STX8: variants seen among roughly 807,000 people sequenced by gnomAD.
STX8 encodes syntaxin 8, also known as syntaxin-8.
STX8 carries 23 observed loss-of-function variants against 37.5 expected under a neutral mutation model. That is an observed-to-expected ratio of 0.61 (90% CI 0.44 to 0.87). The LOEUF (loss-of-function observed/expected upper bound fraction) is 0.87. Ranked by LOEUF, STX8 falls within the 40% of genes least tolerant of loss-of-function variation. The pLI, the probability that STX8 is intolerant of heterozygous loss-of-function variation, is 0.00. For synonymous variants in STX8, 115 were observed against 99.1 expected, an observed-to-expected ratio of 1.16 and a Z score of -0.95; for missense variants, 313 against 284.7, an observed-to-expected ratio of 1.10 and a Z score of -0.71.
chr17:9,420,123 A>G (rs780538567), intron 6 of STX8, among the ~76,000 whole-genome samples: 15 of 152,226 alleles, frequency 9.9e-5, no homozygotes, highest in Non-Finnish European at 1.8e-4. Flanking sequence ...TTAGAAAAGC[A>G]TGAGCTCAAT....
At chr17:9,563,464 G>A (rs1050490333) in intron 2 of STX8, among the ~76,000 whole-genome samples, 3 of 152,090 alleles carry the variant, frequency 2.0e-5, no homozygotes, top group Non-Finnish European at 4.4e-5. Context: ...GATTACAGGC[G>A]TGAGTCACCG....
Position 9,315,066 on chromosome 17 carries a change from C to T in STX8, c.643+63486G>A, listed in dbSNP as rs576969984. Among the ~76,000 whole-genome samples, 9 of 145,718 alleles carry T rather than the reference C, an allele frequency of 6.2e-5. No individual in the cohort carries two copies. The South Asian group carries it at 1.8e-3, about 29-fold the overall frequency. On this transcript the variant is annotated intron_variant, in intron 7 of 7. Transcript: ENST00000306357. ...GCAGTCAGCCGAGATCGTGCCACTG[C>T]ACTCCAGCCTGGCGACAACGTGAGA... is the stretch of plus-strand genomic sequence containing the variant.
chr17:9,267,691 T>C (rs987648736), intron 7 of STX8, among the ~76,000 whole-genome samples: 1 of 152,196 alleles, frequency 6.6e-6, no homozygotes, highest in East Asian at 1.9e-4. Flanking sequence ...CCTATATGTA[T>C]AAAAATGCTT....
At chr17:9,442,021 T>C (rs1184345074) in intron 6 of STX8, among the ~76,000 whole-genome samples, 1 of 152,134 alleles carries the variant, frequency 6.6e-6, no homozygotes, top group Non-Finnish European at 1.5e-5. Context: ...TTCCAGTTTA[T>C]AGGTCTCCCC....
intron 7 of STX8, among the ~76,000 whole-genome samples, chr17:9,348,291 G>A (rs137892574): frequency 6.6e-6 from 1 of 151,774 alleles, no homozygotes; most frequent in African/African-American, 2.4e-5. Context: ...TGGTGCGGAC[G>A]CCTGTAATCC....
At chr17:9,554,652 C>T (rs1906896858) in intron 3 of STX8, 1 of 152,364 alleles carries the variant, frequency 6.6e-6, no homozygotes, top group Non-Finnish European at 1.5e-5. Context: ...CGCCTGTAAT[C>T]CCAGCACTTT....
intron 6 of STX8, chr17:9,452,383 C>G (rs978653247): frequency 6.6e-6 from 1 of 151,028 alleles, no homozygotes; most frequent in South Asian, 2.1e-4. Context: ...AAAAAAAAAT[C>G]TTTGCTCAAC....
chr17:9,415,677 G>A (rs1444357927), intron 6 of STX8, among the ~76,000 whole-genome samples: 2 of 152,204 alleles, frequency 1.3e-5, no homozygotes, highest in Non-Finnish European at 2.9e-5. Context: ...GCTGAGGCAA[G>A]AGAATGGCGT....
intron 4 of STX8, among the ~76,000 whole-genome samples, chr17:9,520,968 G>T (rs1905318681): frequency 6.6e-6 from 1 of 152,192 alleles, no homozygotes; most frequent in Admixed American, 6.5e-5. Context: ...GGGTGTGAGT[G>T]AGCTGAGTCT....
intron 7 of STX8, among the ~76,000 whole-genome samples, chr17:9,333,558 T>C (rs942079229): frequency 6.6e-6 from 1 of 151,666 alleles, no homozygotes; most frequent in Non-Finnish European, 1.5e-5. Flanking sequence ...CAGCTAATAT[T>C]TTGTATTTTT....
At chr17:9,562,220 G>A (rs1004657603) in intron 2 of STX8, among the ~76,000 whole-genome samples, 1 of 151,782 alleles carries the variant, frequency 6.6e-6, no homozygotes, top group Non-Finnish European at 1.5e-5. Flanking sequence ...TGGCTAATAC[G>A]GTGAAACCCC....
At chr17:9,306,751 C>T (rs914540361) in intron 7 of STX8, among the ~76,000 whole-genome samples, 4 of 151,432 alleles carry the variant, frequency 2.6e-5, no homozygotes, top group South Asian at 2.1e-4. Flanking sequence ...GGCAACCAAG[C>T]GAGACTCTGT....
At chr17:9,417,369 G>A (rs1913239010) in intron 6 of STX8, among the ~76,000 whole-genome samples, 3 of 151,990 alleles carry the variant, frequency 2.0e-5, no homozygotes, top group African/African-American at 7.3e-5. Flanking sequence ...AAAGTTAGAT[G>A]CACCCTGGAA....
Position 9,296,185 on chromosome 17 carries a change from G to A in STX8, c.644-45540C>T, listed in dbSNP as rs534017743. On this transcript the variant is annotated intron_variant, in intron 7 of 7. Transcript: ENST00000306357. ...AGCCTGGGAGACAGAGTGAGACTCC[G>A]TCTCAAAAAAATTAGCCAGGCATGG... Among the ~76,000 whole-genome samples the A allele has an allele frequency of 2.0e-4, 30 of 150,018 alleles. No individual in the cohort carries two copies. In the South Asian group the frequency reaches 2.6e-3, roughly 13 times the overall value.
At chr17:9,350,405 C>T (rs1910667142) in intron 7 of STX8, among the ~76,000 whole-genome samples, 1 of 152,230 alleles carries the variant, frequency 6.6e-6, no homozygotes, top group Non-Finnish European at 1.5e-5. Flanking sequence ...GGGGGAACTA[C>T]TGTAATGAGA....
At chr17:9,568,511 T>G in intron 1 of STX8, 41 bp from the exon 2 acceptor site, 1 of 1,551,312 alleles carries the variant, frequency 6.4e-7, no homozygotes, top group Non-Finnish European at 8.8e-7. Flanking sequence ...TTAAGGTTCT[T>G]TTTTTTTGAG....
chr17:9,575,263 A>T (rs990173287), intron 1 of STX8, among the ~76,000 whole-genome samples: 1 of 152,210 alleles, frequency 6.6e-6, no homozygotes, highest in Admixed American at 6.5e-5. Context: ...CTTATAAACA[A>T]GTGCACAATT....
chr17:9,481,080 T>G (rs886898357), intron 6 of STX8, among the ~76,000 whole-genome samples: 1 of 152,166 alleles, frequency 6.6e-6, no homozygotes, highest in Non-Finnish European at 1.5e-5. Context: ...GAGACAGGTT[T>G]CACCATGTAA....
At chr17:9,498,710 G>A (rs1001041015) in intron 5 of STX8, among the ~76,000 whole-genome samples, 19 of 152,082 alleles carry the variant, frequency 1.2e-4, no homozygotes, top group African/African-American at 4.1e-4. Flanking sequence ...AATCTAGAAC[G>A]ATTGCACAAT....
Sources: allele counts gnomAD v4.1 joint callset (sites outside exome capture counted in the v4.1 genomes callset), GRCh38; gene constraint gnomAD v4.1.1; transcripts MANE v1.5; gene names NCBI Gene and HGNC (gene_info 2026-07-23, HGNC 2026-07-21).